MTCL3: variants seen among roughly 807,000 people sequenced by gnomAD.
MTCL3 encodes the protein microtubule cross-linking factor 3.
At chr6:127,518,326 T>C in the MTCL3 span, among the ~76,000 whole-genome samples, 1 of 152,250 alleles carries the variant, frequency 6.6e-6, no homozygotes, top group East Asian at 1.9e-4. Context: ...AACTCAGCCC[T>C]CAGACAGCAT....
chr6:127,514,579 T>G, the MTCL3 span, among the ~76,000 whole-genome samples: 1 of 152,204 alleles, frequency 6.6e-6, no homozygotes, highest in Admixed American at 6.5e-5. Context: ...AGAGCCACCT[T>G]TGCTCCCAGG....
At chr6:127,492,217 G>A in the MTCL3 span, among the ~76,000 whole-genome samples, 1 of 152,148 alleles carries the variant, frequency 6.6e-6, no homozygotes, top group Non-Finnish European at 1.5e-5. Context: ...ATGGACCACA[G>A]AATTATGAGC....
the MTCL3 span, among the ~76,000 whole-genome samples, chr6:127,495,147 A>G: frequency 1.1e-4 from 16 of 151,962 alleles, no homozygotes; most frequent in African/African-American, 3.9e-4. Context: ...CAGTGAGCCA[A>G]GATCAAGCCC....
the MTCL3 span, among the ~76,000 whole-genome samples, chr6:127,504,480 G>A: frequency 3.2e-4 from 48 of 152,256 alleles, no homozygotes; most frequent in Admixed American, 1.5e-3. Flanking sequence ...AAAAGGCTGA[G>A]ACAGAAATAA....
At chr6:127,478,473 G>A in the MTCL3 span, among the ~76,000 whole-genome samples, 1 of 152,212 alleles carries the variant, frequency 6.6e-6, no homozygotes, top group Non-Finnish European at 1.5e-5. Flanking sequence ...AAATGGAAAT[G>A]GTTTTGGGTG....
At chr6:127,503,323 C>T in the MTCL3 span, among the ~76,000 whole-genome samples, 3 of 152,178 alleles carry the variant, frequency 2.0e-5, no homozygotes, top group Admixed American at 1.3e-4. Context: ...CATAATTATA[C>T]ATAAACTATC....
At chr6:127,495,823 A>G in the MTCL3 span, among the ~76,000 whole-genome samples, 1 of 152,232 alleles carries the variant, frequency 6.6e-6, no homozygotes, top group South Asian at 2.1e-4. Flanking sequence ...AAAAATGTAA[A>G]CCATTTACAT....
the MTCL3 span, among the ~76,000 whole-genome samples, chr6:127,479,186 C>A: frequency 1.3e-5 from 2 of 152,078 alleles, no homozygotes; most frequent in Admixed American, 6.5e-5. Flanking sequence ...CATGCCTCCC[C>A]ATTTTAGACC....
chr6:127,515,675 C>T, the MTCL3 span: 1 of 1,514,086 alleles, frequency 6.6e-7, no homozygotes, highest in South Asian at 1.3e-5. This position sits in a 1 kb window ranked among gnomAD's most constrained non-coding sequence, Gnocchi z 4.3. Flanking sequence ...CCCTCCGCCG[C>T]CGCCGCCATT....
the MTCL3 span, among the ~76,000 whole-genome samples, chr6:127,497,652 C>T: frequency 6.6e-6 from 1 of 152,078 alleles, no homozygotes; most frequent in South Asian, 2.1e-4. Flanking sequence ...TGTTCTATAT[C>T]TTGGCTCTGA....
chr6:127,482,774 C>T, the MTCL3 span: 42 of 569,400 alleles, frequency 7.4e-5, no homozygotes, highest in East Asian at 1.1e-3. The surrounding 1 kb of genome is among the most constrained non-coding windows in gnomAD (Gnocchi z 4.1). Context: ...CCTGTATCTA[C>T]AGCTACATAA....
chr6:127,474,928 A>C, the MTCL3 span, among the ~76,000 whole-genome samples: 1 of 152,222 alleles, frequency 6.6e-6, no homozygotes, highest in Non-Finnish European at 1.5e-5. Context: ...ATCCAGGACC[A>C]TCTTGCAGTT....
the MTCL3 span, among the ~76,000 whole-genome samples, chr6:127,488,732 T>C: frequency 5.9e-5 from 9 of 152,186 alleles, no homozygotes; most frequent in Non-Finnish European, 1.2e-4. Flanking sequence ...AGAGTCAAAA[T>C]TGTATGAGCT....
At chr6:127,481,915 CA>C in the MTCL3 span, among the ~76,000 whole-genome samples, 2 of 152,164 alleles carry the variant, frequency 1.3e-5, no homozygotes, top group Non-Finnish European at 2.9e-5. Flanking sequence ...GTAAAAAAGC[CA>C]GCTAAAACTC....
the MTCL3 span, among the ~76,000 whole-genome samples, chr6:127,511,510 A>G: frequency 3.3e-5 from 5 of 152,300 alleles, no homozygotes; most frequent in East Asian, 9.7e-4. Context: ...AGTCTTACAT[A>G]CCAGAAAAAG....
chr6:127,480,293 T>G, the MTCL3 span, among the ~76,000 whole-genome samples: 1 of 152,166 alleles, frequency 6.6e-6, no homozygotes, highest in Non-Finnish European at 1.5e-5. Context: ...CTAAAAAGAA[T>G]AAGTAATGGG....
the MTCL3 span, chr6:127,516,505 T>G: frequency 6.3e-7 from 1 of 1,599,040 alleles, no homozygotes; most frequent in African/African-American, 1.3e-5. Flanking sequence ...CTGAGCTCGC[T>G]GCTGCTTTCT....
the MTCL3 span, chr6:127,475,676 C>T: frequency 6.3e-7 from 1 of 1,586,376 alleles, no homozygotes. The surrounding 1 kb of genome is among the most constrained non-coding windows in gnomAD (Gnocchi z 7.3). Context: ...CGCACCTCCT[C>T]CGAGTCGCTC....
At chr6:127,483,570 A>G in the MTCL3 span, among the ~76,000 whole-genome samples, 2 of 152,202 alleles carry the variant, frequency 1.3e-5, no homozygotes, top group Admixed American at 6.5e-5. Flanking sequence ...GCTTCAGCTC[A>G]TTGTGTGATA....
Sources: allele counts gnomAD v4.1 joint callset (sites outside exome capture counted in the v4.1 genomes callset), GRCh38; gene constraint gnomAD v4.1.1; non-coding constraint Gnocchi (gnomAD v3.1); transcripts MANE v1.5; gene names NCBI Gene and HGNC (gene_info 2026-07-23, HGNC 2026-07-21).